The following KDM3B variants were observed in gnomAD, a reference collection of about 807,000 sequenced individuals.
KDM3B encodes lysine demethylase 3B.
A neutral mutation model predicts 170.0 loss-of-function variants in KDM3B; 10 were observed. The ratio of observed to expected loss-of-function variants is 0.06; its 90% CI spans 0.04 to 0.10. The LOEUF is 0.10. Among genes scored for constraint, KDM3B ranks in the 10% least tolerant of loss-of-function variants. The pLI, the probability that KDM3B is intolerant of heterozygous loss-of-function variation, is 1.00. For synonymous variants in KDM3B, 831 were observed against 834.8 expected, an observed-to-expected ratio of 1.00 and a Z score of 0.08; for missense variants, 1,394 against 2,195.2, an observed-to-expected ratio of 0.64 and a Z score of 7.29.
At chr5:138,374,323 C>T (rs1341382662) in intron 2 of KDM3B, 3 of 440,760 alleles carry the variant, frequency 6.8e-6, no homozygotes, top group African/African-American at 4.1e-5. Flanking sequence ...AGTGCAATGG[C>T]TCGATCTCGG....
At chr5:138,359,289 G>A (rs1580872903) in intron 1 of KDM3B, among the ~76,000 whole-genome samples, 3 of 151,782 alleles carry the variant, frequency 2.0e-5, no homozygotes, top group East Asian at 1.9e-4. Context: ...AGTCTCCTGC[G>A]TAGTTGTGAT....
rs375629827 is a variant in KDM3B at position 138,420,696 on chromosome 5, G to A, written c.3716-10G>A. On this transcript the variant is annotated splice_polypyrimidine_tract_variant and intron_variant, in intron 14 of 23. Coordinates refer to ENST00000314358, the MANE Select transcript of KDM3B (RefSeq NM_016604.4). ...TGTACCTAATGCTGTTCCTGGTTAT[G>A]TTCTTACAGAAGCAGGGTCCCTGAG... 6.9e-5 allele frequency: 111 copies of A among 1,613,602 alleles called. No individual in the cohort carries two copies. Among genetic ancestry groups the A allele is most frequent in the Non-Finnish European group, 9.1e-5 (107 of 1,179,970 alleles).
intron 1 of KDM3B, among the ~76,000 whole-genome samples, chr5:138,363,656 C>T (rs909560517): frequency 2.0e-5 from 3 of 152,122 alleles, no homozygotes; most frequent in African/African-American, 7.2e-5. Context: ...AAGTGATTCT[C>T]CTGCCTCAGC....
chr5:138,430,281 T>C lies in KDM3B; in HGVS notation c.4926T>C (p.Pro1642=), dbSNP rs1763497647. ...VGEEQGQENP[P]DHDPIHDQSW... Reference sequence around the variant, plus strand: ...AAGAACAAGGCCAAGAGAACCCCCCTGATCATGACCCAATTCATGACCAAA... The same window carrying C: ...AAGAACAAGGCCAAGAGAACCCCCCCGATCATGACCCAATTCATGACCAAA... Residue 1642 remains proline (P), a synonymous_variant, in exon 22 of 24, where the codon CCT becomes CCC. Coordinates refer to ENST00000314358, the MANE Select transcript of KDM3B (RefSeq NM_016604.4). 1 of 1,614,080 alleles carries C rather than the reference T, an allele frequency of 6.2e-7. No individual in the cohort carries two copies. Among genetic ancestry groups the C allele is most frequent in the African/African-American group, 1.3e-5 (1 of 74,940 alleles).
intron 6 of KDM3B, among the ~76,000 whole-genome samples, chr5:138,383,145 CT>C (rs879427486): frequency 3.3e-4 from 48 of 145,294 alleles, no homozygotes; most frequent in Non-Finnish European, 3.2e-4. Context: ...TTGTTTTTTT[CT>C]TTTTTTTTTT....
At position 138,386,513 on chromosome 5, in the gene KDM3B, C is replaced by T; in HGVS notation, c.1272C>T (p.Val424=). The change falls in exon 7 of 24, where the codon GTC becomes GTT. Residue 424 remains valine (V), a synonymous_variant. Transcript: ENST00000314358. ...GQGIVASAAV[V]TTASSTPNTV... is the part of the protein sequence containing the mutation. ...GCATAGTGGCTTCCGCAGCTGTGGTCACTACCGCCAGCTCCACCCCAAACA... is the reference window on the plus strand; with the variant it reads ...GCATAGTGGCTTCCGCAGCTGTGGTTACTACCGCCAGCTCCACCCCAAACA... 1 of 1,614,168 alleles carries T rather than the reference C, an allele frequency of 6.2e-7. No individual in the cohort carries two copies. Among genetic ancestry groups the T allele is most frequent in the Non-Finnish European group, 8.5e-7 (1 of 1,180,030 alleles).
At chr5:138,382,665 GA>G (rs769877079) in intron 6 of KDM3B, among the ~76,000 whole-genome samples, 1 of 151,738 alleles carries the variant, frequency 6.6e-6, no homozygotes, top group East Asian at 1.9e-4. Context: ...AATAGGAAAA[GA>G]AAAAAAATTT....
At chr5:138,384,063 T>C (rs1046122822) in intron 6 of KDM3B, among the ~76,000 whole-genome samples, 4 of 143,344 alleles carry the variant, frequency 2.8e-5, no homozygotes, top group African/African-American at 1.0e-4. Flanking sequence ...GAGACCATGG[T>C]GAAGCCCCAT....
intron 1 of KDM3B, among the ~76,000 whole-genome samples, chr5:138,362,714 T>C (rs1761644775): frequency 6.7e-6 from 1 of 148,834 alleles, no homozygotes; most frequent in Non-Finnish European, 1.5e-5. Flanking sequence ...ATAATTTTTC[T>C]ATAATTTTAT....
chr5:138,424,479 G>A (rs1314108403), intron 16 of KDM3B, 138 bp downstream of exon 16: 6 of 1,053,458 alleles, frequency 5.7e-6, no homozygotes, highest in Non-Finnish European at 6.8e-6. Flanking sequence ...ACTTCGAGTT[G>A]TCTTGGATTT....
intron 11 of KDM3B, among the ~76,000 whole-genome samples, chr5:138,412,794 GTTA>G (rs973105876): frequency 2.8e-4 from 42 of 152,166 alleles, no homozygotes; most frequent in African/African-American, 9.6e-4. Flanking sequence ...CCATTTTTTT[GTTA>G]TTGTTGTTCT....
intron 15 of KDM3B, among the ~76,000 whole-genome samples, chr5:138,423,702 T>C (rs887323489): frequency 6.6e-6 from 1 of 152,238 alleles, no homozygotes; most frequent in Non-Finnish European, 1.5e-5. Context: ...AGGAAAAATT[T>C]AGAACCCTCA....
chr5:138,398,503 A>G, intron 10 of KDM3B, 111 bp downstream of exon 10: 1 of 851,908 alleles, frequency 1.2e-6, no homozygotes, highest in Non-Finnish European at 1.9e-6. Context: ...CTGTGAATGA[A>G]TTAAGACCGA....
At chr5:138,402,892 G>A (rs1481252486) in intron 11 of KDM3B, among the ~76,000 whole-genome samples, 1 of 152,170 alleles carries the variant, frequency 6.6e-6, no homozygotes, top group African/African-American at 2.4e-5. Context: ...GAAGAGTAAG[G>A]CAAAGTGCTG....
At chr5:138,358,392 T>C (rs1761511927) in intron 1 of KDM3B, among the ~76,000 whole-genome samples, 1 of 144,476 alleles carries the variant, frequency 6.9e-6, no homozygotes, top group Non-Finnish European at 1.5e-5. Flanking sequence ...GCAACCTCTC[T>C]CTCCCAGATT....
chr5:138,391,072 G>T lies in KDM3B; in HGVS notation c.1440G>T (p.Ser480=), dbSNP rs750663093. ...TTGGAGCACCTCTCCCTAGTTCATC[G>T]CAACCTTTGACTTTTGGAAGTGGAA... ...SGFGAPLPSS[S]QPLTFGSGRS... Residue 480 remains serine, a synonymous_variant, in exon 8 of 24, where the codon TCG becomes TCT. Coordinates refer to ENST00000314358, the MANE Select transcript of KDM3B (RefSeq NM_016604.4). This position sits in a 1 kb window ranked among gnomAD's most constrained non-coding sequence, Gnocchi z 5.0. The T allele has an allele frequency of 6.2e-7, 1 of 1,609,356 alleles. No homozygotes were observed. The highest frequency in any genetic ancestry group is 8.5e-7 in the Non-Finnish European group (1 of 1,177,752).
At chr5:138,407,517 G>GT (rs1422417951) in intron 11 of KDM3B, among the ~76,000 whole-genome samples, 1 of 151,836 alleles carries the variant, frequency 6.6e-6, no homozygotes, top group Non-Finnish European at 1.5e-5. Context: ...ATGTGTGTCC[G>GT]TGTCCAAAAT....
chr5:138,380,609 A>G (rs1388248000), intron 5 of KDM3B, among the ~76,000 whole-genome samples: 2 of 152,024 alleles, frequency 1.3e-5, no homozygotes, highest in Admixed American at 1.3e-4. Context: ...GTCACAGTGA[A>G]CATCCTTGAA....
chr5:138,435,222 AC>A (rs1273965727), intron 23 of KDM3B, among the ~76,000 whole-genome samples: 1 of 152,184 alleles, frequency 6.6e-6, no homozygotes, highest in East Asian at 1.9e-4. Flanking sequence ...AAGCCTCTTA[AC>A]CATATAAGGA....
Sources: allele counts gnomAD v4.1 joint callset (sites outside exome capture counted in the v4.1 genomes callset), GRCh38; gene constraint gnomAD v4.1.1; non-coding constraint Gnocchi (gnomAD v3.1); transcripts MANE v1.5; gene names NCBI Gene and HGNC (gene_info 2026-07-23, HGNC 2026-07-21).